DMXL1: variants seen among roughly 807,000 people sequenced by gnomAD.
DMXL1 encodes the protein Dmx like 1, also known as dmX-like protein 1.
DMXL1 carries 99 observed loss-of-function variants against 319.2 expected under a neutral mutation model. That is an observed-to-expected ratio of 0.31 (90% confidence interval 0.26 to 0.37). DMXL1 has a LOEUF of 0.37. Among genes scored for constraint, DMXL1 ranks in the 10% least tolerant of loss-of-function variants. The pLI is 1.00. For missense variants in DMXL1, 3,745 were observed against 3,595.6 expected (o/e 1.04, Z -1.06); for synonymous variants, 1,385 against 1,235.2 (o/e 1.12, Z -2.54).
chr5:119,235,423 T>C (rs1016278812), intron 39 of DMXL1, among the ~76,000 whole-genome samples: 8 of 152,036 alleles, frequency 5.3e-5, no homozygotes, highest in Admixed American at 2.6e-4. Flanking sequence ...TTAGAAAAGC[T>C]GAACAGCAGA....
At position 119,110,235 on chromosome 5, in the gene DMXL1, A is replaced by G. The variant is rs767474937; in HGVS notation, c.449A>G (p.Asn150Ser). 91 of 1,589,426 alleles carry G rather than the reference A, an allele frequency of 5.7e-5. No individual in the cohort carries two copies. Among genetic ancestry groups the G allele is most frequent in the Non-Finnish European group, 7.6e-5 (89 of 1,173,750 alleles). ...AAGCCAACTGAAGATGAAAATTTAA[A>G]TAAAACAGATCTTAACTTTGGAGAT... Reference protein sequence around the residue: ...LEKPTEDENLNKTDLNFGDWK... With the variant: ...LEKPTEDENLSKTDLNFGDWK... Residue 150 changes from asparagine to serine, a missense_variant, in exon 5 of 44, where the codon AAT becomes AGT. By Grantham distance (46) the Asn-to-Ser change is conservative (BLOSUM62 1). This residue lies in a region of DMXL1 where 2,096 missense variants were observed against 1,985.4 expected (regional missense o/e 1.06). Coordinates refer to ENST00000539542, the MANE Select transcript of DMXL1 (RefSeq NM_001290321.3).
intron 32 of DMXL1, 54 bp from the exon 33 acceptor site, chr5:119,203,265 A>G: frequency 1.7e-6 from 2 of 1,155,818 alleles, no homozygotes; most frequent in Admixed American, 2.5e-5. Context: ...ATTGTTATCA[A>G]GTTAGTCAGA....
intron 21 of DMXL1, 122 bp from the exon 22 acceptor site, chr5:119,166,494 G>A (rs1773471713): frequency 1.3e-6 from 1 of 741,026 alleles, no homozygotes. Flanking sequence ...CAGATACATA[G>A]TAAGTTATGA....
rs761089401 is a variant in DMXL1 at position 119,134,066 on chromosome 5, G to A, written c.2142G>A (p.Gly714=). 4.3e-6 allele frequency: 7 copies of A among 1,614,148 alleles called. No individual in the cohort carries two copies. Among genetic ancestry groups the A allele is most frequent in the South Asian group, 1.1e-5 (1 of 91,086 alleles). The part of the protein sequence containing the change: ...ELILWRVDPV[G]PLSFSGGVSE... Reference sequence around the variant, plus strand: ...TTCTGTGGAGGGTTGACCCAGTTGGGCCATTGTCTTTTTCTGGAGGAGTTT... The same window carrying A: ...TTCTGTGGAGGGTTGACCCAGTTGGACCATTGTCTTTTTCTGGAGGAGTTT... The change falls in exon 12 of 44, where the codon GGG becomes GGA. Residue 714 remains glycine (G), a synonymous_variant. Coordinates refer to ENST00000539542, the MANE Select transcript of DMXL1 (RefSeq NM_001290321.3).
chr5:119,237,437 T>G, intron 40 of DMXL1, 23 bp downstream of exon 40: 1 of 1,442,014 alleles, frequency 6.9e-7, no homozygotes, highest in East Asian at 2.3e-5. Context: ...TTTCTACCTT[T>G]AAATAAAATT....
At chr5:119,074,113 T>C (rs1378888239) in intron 1 of DMXL1, among the ~76,000 whole-genome samples, 3 of 152,194 alleles carry the variant, frequency 2.0e-5, no homozygotes, top group Non-Finnish European at 4.4e-5. Flanking sequence ...GAGGTGGGGT[T>C]TCACCATGTT....
intron 38 of DMXL1, among the ~76,000 whole-genome samples, chr5:119,225,679 T>C (rs1254531446): frequency 6.6e-6 from 1 of 152,166 alleles, no homozygotes; most frequent in Non-Finnish European, 1.5e-5. Flanking sequence ...ATCAAAGTTG[T>C]GTACGCTGTA....
At chr5:119,229,352 A>G (rs1271291676) in intron 38 of DMXL1, among the ~76,000 whole-genome samples, 2 of 152,206 alleles carry the variant, frequency 1.3e-5, no homozygotes. Context: ...AAAACCTTTC[A>G]TAATCTCTTG....
chr5:119,160,628 T>G (rs973615244), intron 19 of DMXL1, among the ~76,000 whole-genome samples: 1 of 152,222 alleles, frequency 6.6e-6, no homozygotes, highest in Non-Finnish European at 1.5e-5. Context: ...CCCCCTATTA[T>G]TACTGTATTG....
intron 40 of DMXL1, 189 bp from the exon 41 acceptor site, chr5:119,238,800 C>G (rs1788225158): frequency 2.6e-6 from 2 of 781,058 alleles, no homozygotes; most frequent in Admixed American, 1.2e-4. Context: ...AAAGTTGCTG[C>G]ATCTGGGTAA....
chr5:119,239,539 TAG>T (rs1165642411), intron 41 of DMXL1, among the ~76,000 whole-genome samples: 1 of 152,200 alleles, frequency 6.6e-6, no homozygotes, highest in African/African-American at 2.4e-5. Flanking sequence ...GTCCAACTGT[TAG>T]AGATTCAGTG....
At chr5:119,102,988 T>C (rs1159725256) in intron 3 of DMXL1, among the ~76,000 whole-genome samples, 1 of 152,018 alleles carries the variant, frequency 6.6e-6, no homozygotes, top group Non-Finnish European at 1.5e-5. Context: ...GCTTAATACC[T>C]GGGTGATGAA....
chr5:119,244,399 T>C lies in DMXL1; in HGVS notation c.8745T>C (p.Tyr2915=), dbSNP rs1789368044. The C allele has an allele frequency of 1.2e-6, 2 of 1,614,146 alleles. No individual in the cohort carries two copies. Among genetic ancestry groups the C allele is most frequent in the South Asian group, 1.1e-5 (1 of 91,082 alleles). The change falls in exon 43 of 44, where the codon TAT becomes TAC. Residue 2915 remains tyrosine, a synonymous_variant. Coordinates refer to ENST00000539542, the MANE Select transcript of DMXL1 (RefSeq NM_001290321.3). ...CHDSGATVLA[Y]APKHQLLISG... Reference sequence around the variant, plus strand: ...ACAGTGGAGCCACAGTTTTAGCATATGCTCCAAAACATCAGCTACTAATAT... The same window carrying C: ...ACAGTGGAGCCACAGTTTTAGCATACGCTCCAAAACATCAGCTACTAATAT...
chr5:119,222,929 C>G (rs2150594554), intron 37 of DMXL1, among the ~76,000 whole-genome samples: 1 of 152,188 alleles, frequency 6.6e-6, no homozygotes, highest in East Asian at 1.9e-4. Flanking sequence ...CAAATCCCCC[C>G]ACATTTCCCT....
rs1422510627 is a variant in DMXL1 at position 119,134,044 on chromosome 5, T to C, written c.2120T>C (p.Leu707Pro). Residue 707 changes from leucine to proline, a missense_variant, in exon 12 of 44, where the codon CTG becomes CCG. Coordinates refer to ENST00000539542, the MANE Select transcript of DMXL1 (RefSeq NM_001290321.3). ...AGTGCAGTTTACAGTGAGCTTATTCTGTGGAGGGTTGACCCAGTTGGGCCA... is the reference window on the plus strand; with the variant it reads ...AGTGCAGTTTACAGTGAGCTTATTCCGTGGAGGGTTGACCCAGTTGGGCCA... The part of the protein sequence containing the change: ...DPSAVYSELI[L>P]WRVDPVGPLS... The C allele has an allele frequency of 6.2e-7, 1 of 1,614,220 alleles. No homozygotes were observed.
At chr5:119,152,181 A>AT (rs1769950219) in intron 19 of DMXL1, 145 bp downstream of exon 19, 1 of 594,466 alleles carries the variant, frequency 1.7e-6, no homozygotes, top group South Asian at 2.5e-5. Context: ...TAAAATGTTT[A>AT]TTTTGTCATA....
intron 29 of DMXL1, 35 bp downstream of exon 29, chr5:119,189,921 A>C (rs925914110): frequency 1.9e-6 from 3 of 1,550,480 alleles, no homozygotes; most frequent in Non-Finnish European, 2.6e-6. Context: ...ATATTTTCAT[A>C]GTCAAATAGA....
Position 119,129,266 on chromosome 5 carries a change from G to A in DMXL1, c.1158G>A (p.Lys386=). 6.2e-7 allele frequency: 1 copy of A among 1,613,574 alleles called. No homozygotes were observed. Among genetic ancestry groups the A allele is most frequent in the Non-Finnish European group, 8.5e-7 (1 of 1,179,770 alleles). The change falls in exon 10 of 44, where the codon AAG becomes AAA. Residue 386 remains lysine (K), a synonymous_variant. Coordinates refer to ENST00000539542, the MANE Select transcript of DMXL1 (RefSeq NM_001290321.3). ...TSLSLNENEE[K]TGPFVVHWLN... Reference sequence around the variant, plus strand: ...TGAGTCTAAATGAAAATGAAGAGAAGACCGGACCTTTTGTTGTACACTGGC... The same window carrying A: ...TGAGTCTAAATGAAAATGAAGAGAAAACCGGACCTTTTGTTGTACACTGGC...
chr5:119,137,340 C>T (rs369290384), intron 13 of DMXL1, among the ~76,000 whole-genome samples: 1 of 152,208 alleles, frequency 6.6e-6, no homozygotes, highest in Non-Finnish European at 1.5e-5. Flanking sequence ...TTTGATTTTA[C>T]AGGCTCATAG....
Sources: gnomAD v4.1 joint callset for allele counts (sites outside exome capture counted in the v4.1 genomes callset) on GRCh38, gnomAD v4.1.1 for gene constraint, gnomAD v4.1.1 regional missense constraint, MANE v1.5 for transcripts, NCBI Gene and HGNC (gene_info 2026-07-23, HGNC 2026-07-21) for gene names.